The following DPF3 variants were observed in gnomAD, a reference collection of about 807,000 sequenced individuals.
The protein encoded by DPF3 is double PHD fingers 3, also known as zinc finger protein DPF3.
DPF3 carries 18 observed loss-of-function variants against 56.8 expected under a neutral mutation model. The ratio of observed to expected loss-of-function variants is 0.32; its 90% CI spans 0.22 to 0.47. The LOEUF (loss-of-function observed/expected upper bound fraction) is 0.47. DPF3 is among the 20% of genes least tolerant of loss of function. The probability of loss-of-function intolerance (pLI) is 1.00; values close to 1 mark genes in which losing one functional copy is unlikely to be tolerated. For missense variants in DPF3, 403 were observed against 488.8 expected (o/e 0.82, Z 1.65); for synonymous variants, 188 against 180.2 (o/e 1.04, Z -0.35).
At chr14:72,740,306 T>C (rs1347668039) in intron 3 of DPF3, among the ~76,000 whole-genome samples, 1 of 152,130 alleles carries the variant, frequency 6.6e-6, no homozygotes, top group Non-Finnish European at 1.5e-5. Context: ...GATATAATGA[T>C]GCCTACATGT....
At chr14:72,739,833 G>C (rs1890055521) in intron 3 of DPF3, among the ~76,000 whole-genome samples, 1 of 152,196 alleles carries the variant, frequency 6.6e-6, no homozygotes, top group Non-Finnish European at 1.5e-5. Context: ...TGTTCTAGGT[G>C]CTGGGGCAAT....
At chr14:72,816,692 G>A (rs1307937552) in intron 1 of DPF3, among the ~76,000 whole-genome samples, 1 of 151,466 alleles carries the variant, frequency 6.6e-6, no homozygotes, top group African/African-American at 2.4e-5. Flanking sequence ...ATGTTAAAAT[G>A]CTATGCAAAT....
Position 72,852,906 on chromosome 14 carries a change from A to G in DPF3, c.32+41151T>C, listed in dbSNP as rs1013811153. Among the ~76,000 whole-genome samples the G allele has an allele frequency of 2.0e-5, 3 of 152,222 alleles. No individual in the cohort carries two copies. In the South Asian group the frequency reaches 6.2e-4, roughly 32 times the overall value. On this transcript the variant is annotated intron_variant, in intron 1 of 10. Transcript: ENST00000556509. ...TTGGAGACATTTAAGTGTTTATAGA[A>G]AGGACTTTTCTAAAGAATCTGAATG... is the stretch of plus-strand genomic sequence containing the variant.
chr14:72,857,125 CAG>C (rs1377811677), intron 1 of DPF3, among the ~76,000 whole-genome samples: 1 of 152,180 alleles, frequency 6.6e-6, no homozygotes, highest in African/African-American at 2.4e-5. Context: ...GCCCTTTGCT[CAG>C]AGTTTCTATT....
rs1883974316 is a variant in DPF3 at position 72,614,738 on chromosome 14, A to T, written c.*4559T>A. ...AGAGGTTTGGCCTTTTTACAAAATA[A>T]TAATAATAATAATCTGTTGCCCAGG... On this transcript the variant is annotated 3_prime_UTR_variant, in exon 11 of 11. Coordinates refer to ENST00000556509, the MANE Select transcript of DPF3 (RefSeq NM_001280542.3). Among the ~76,000 whole-genome samples, 1 of 144,118 alleles carries T rather than the reference A, an allele frequency of 6.9e-6. No homozygotes were observed. The allele number at this position is 144,118 out of a possible 152,430, so 94.5% of individuals were successfully genotyped here. A position where few individuals can be genotyped will look rare whatever the true frequency, so the allele number is the denominator to read the frequency against.
At chr14:72,809,216 C>A (rs1882924703) in intron 1 of DPF3, among the ~76,000 whole-genome samples, 1 of 152,246 alleles carries the variant, frequency 6.6e-6, no homozygotes, top group African/African-American at 2.4e-5. Flanking sequence ...CCTGCAGAAC[C>A]ATAAGCTAAA....
intron 2 of DPF3, among the ~76,000 whole-genome samples, chr14:72,770,209 T>C (rs570795904): frequency 6.2e-4 from 94 of 152,132 alleles, no homozygotes; most frequent in Non-Finnish European, 1.1e-3. Context: ...CCTGAATAAA[T>C]CTCTAGACCT....
chr14:72,698,278 T>G (rs1317442204), intron 6 of DPF3, among the ~76,000 whole-genome samples: 1 of 152,216 alleles, frequency 6.6e-6, no homozygotes, highest in Non-Finnish European at 1.5e-5. Flanking sequence ...AGCTGTTCTG[T>G]TTTTCAGTTC....
chr14:72,688,734 A>G (rs1415371942), intron 7 of DPF3, among the ~76,000 whole-genome samples: 1 of 152,174 alleles, frequency 6.6e-6, no homozygotes, highest in Admixed American at 6.5e-5. Flanking sequence ...ATGCATGTGC[A>G]CACACACAGT....
At chr14:72,655,826 T>A (rs550333391) in intron 8 of DPF3, among the ~76,000 whole-genome samples, 1 of 152,222 alleles carries the variant, frequency 6.6e-6, no homozygotes, top group African/African-American at 2.4e-5. Context: ...AGGCACCAAC[T>A]CTTCCAGGTC....
intron 7 of DPF3, among the ~76,000 whole-genome samples, chr14:72,692,846 G>T (rs979626445): frequency 1.3e-5 from 2 of 152,112 alleles, no homozygotes; most frequent in African/African-American, 2.4e-5. Context: ...CTTCCTCTGG[G>T]AGCAGAGCAG....
chr14:72,645,318 A>G lies in DPF3; in HGVS notation c.872-15582T>C, dbSNP rs1885689086. Among the ~76,000 whole-genome samples, 4 of 150,384 alleles carry G rather than the reference A, an allele frequency of 2.7e-5. No homozygotes were observed. In the South Asian group the frequency reaches 8.4e-4, roughly 32 times the overall value. On this transcript the variant is annotated intron_variant, in intron 8 of 10. Transcript: ENST00000556509. Reference sequence around the variant, plus strand: ...GGATTTTTTTTTTTTTTTCAGAGATAGGGTTTCACTCTGTCACCCAGGCTA... The same window carrying G: ...GGATTTTTTTTTTTTTTTCAGAGATGGGGTTTCACTCTGTCACCCAGGCTA...
intron 8 of DPF3, chr14:72,671,445 C>A: frequency 7.0e-7 from 1 of 1,436,650 alleles, no homozygotes; most frequent in Non-Finnish European, 9.8e-7. Context: ...AGATATAAAA[C>A]CATTTGCACA....
At chr14:72,680,450 G>A (rs1365315090) in intron 7 of DPF3, among the ~76,000 whole-genome samples, 1 of 152,252 alleles carries the variant, frequency 6.6e-6, no homozygotes, top group East Asian at 1.9e-4. Context: ...TGGCGGGGAA[G>A]CAGACAGTAG....
intron 7 of DPF3, among the ~76,000 whole-genome samples, chr14:72,688,719 T>C (rs1201758314): frequency 1.3e-5 from 2 of 152,190 alleles, no homozygotes; most frequent in Admixed American, 1.3e-4. Flanking sequence ...TATGTGTGTG[T>C]ACATATGCAT....
intron 1 of DPF3, chr14:72,892,384 G>C: frequency 6.6e-7 from 1 of 1,519,714 alleles, no homozygotes; most frequent in Non-Finnish European, 8.8e-7. Flanking sequence ...CAAGCGCAGT[G>C]TATCCGAGCT....
At chr14:72,690,232 T>C (rs965048050) in intron 7 of DPF3, among the ~76,000 whole-genome samples, 6 of 152,176 alleles carry the variant, frequency 3.9e-5, no homozygotes, top group Non-Finnish European at 7.3e-5. Flanking sequence ...AGCAAGGCTG[T>C]GTGGCCTCAA....
At chr14:72,812,921 G>A (rs936833282) in intron 1 of DPF3, among the ~76,000 whole-genome samples, 3 of 152,142 alleles carry the variant, frequency 2.0e-5, no homozygotes, top group Non-Finnish European at 4.4e-5. Context: ...GAAGGGCCAG[G>A]GGCTCATAGG....
At chr14:72,873,627 T>C (rs1450334332) in intron 1 of DPF3, among the ~76,000 whole-genome samples, 3 of 152,182 alleles carry the variant, frequency 2.0e-5, no homozygotes, top group Admixed American at 6.5e-5. Context: ...CGCACATGTA[T>C]GTTTATTGCG....
Sources: allele counts gnomAD v4.1 joint callset (sites outside exome capture counted in the v4.1 genomes callset), GRCh38; gene constraint gnomAD v4.1.1; transcripts MANE v1.5; gene names NCBI Gene and HGNC (gene_info 2026-07-23, HGNC 2026-07-21).